SLC7A2: variants seen among roughly 807,000 people sequenced by gnomAD.
SLC7A2 encodes solute carrier family 7 member 2, also known as cationic amino acid transporter 2.
Under a neutral mutation model 58.9 loss-of-function variants are expected in SLC7A2, and 48 were observed. The ratio of observed to expected loss-of-function variants is 0.82; its 90% CI spans 0.65 to 1.04. SLC7A2 has a LOEUF of 1.04. Ranked by LOEUF, SLC7A2 falls within the 50% of genes least tolerant of loss-of-function variation. The pLI is 0.00. For missense variants in SLC7A2, 1,029 were observed against 818.8 expected (o/e 1.26, Z -3.13); for synonymous variants, 363 against 314.5 (o/e 1.15, Z -1.63).
chr8:17,534,280 G>C (rs1258980664), intron 2 of SLC7A2, among the ~76,000 whole-genome samples: 1 of 152,104 alleles, frequency 6.6e-6, no homozygotes, highest in African/African-American at 2.4e-5. Context: ...GATTCAAAGT[G>C]GAATTAAGGT....
Position 17,545,788 on chromosome 8 carries a change from C to T in SLC7A2, c.532+1182C>T, listed in dbSNP as rs549837703. 6.6e-5 allele frequency among the ~76,000 whole-genome samples: 10 copies of T among 152,286 alleles called. No individual in the cohort carries two copies. The South Asian group carries it at 1.2e-3, about 19-fold the overall frequency. ...AGAGTAAAAACCATGTCTGTTCCTA[C>T]TTCTTCCTTGCTTTACCCTGGGCAG... is the stretch of plus-strand genomic sequence containing the variant. On this transcript the variant is annotated intron_variant, in intron 4 of 12. Coordinates refer to ENST00000494857, the MANE Select transcript of SLC7A2 (RefSeq NM_001370338.1).
intron 2 of SLC7A2, among the ~76,000 whole-genome samples, chr8:17,524,988 G>C (rs1387344488): frequency 6.6e-6 from 1 of 152,146 alleles, no homozygotes; most frequent in Non-Finnish European, 1.5e-5. Context: ...GGATGACTCA[G>C]AGCTCAGCTC....
intron 2 of SLC7A2, among the ~76,000 whole-genome samples, chr8:17,513,797 A>G (rs993568279): frequency 3.9e-5 from 6 of 152,218 alleles, no homozygotes; most frequent in Non-Finnish European, 8.8e-5. Context: ...TGTCCCACTT[A>G]CAACAGCGCT....
intron 9 of SLC7A2, 104 bp from the exon 10 acceptor site, chr8:17,560,224 C>A: frequency 1.3e-6 from 1 of 781,278 alleles, no homozygotes; most frequent in East Asian, 2.7e-5. Context: ...TTACTCTACA[C>A]ACTATCACTC....
At chr8:17,509,598 G>A (rs1056828301) in intron 2 of SLC7A2, among the ~76,000 whole-genome samples, 5 of 151,912 alleles carry the variant, frequency 3.3e-5, no homozygotes, top group Admixed American at 1.3e-4. Flanking sequence ...GAGCCACCAC[G>A]CCCAACAATT....
chr8:17,533,256 T>G (rs1334949650), intron 2 of SLC7A2, among the ~76,000 whole-genome samples: 1 of 152,248 alleles, frequency 6.6e-6, no homozygotes, highest in African/African-American at 2.4e-5. Flanking sequence ...TGCTCATACA[T>G]TGTTGCTGTG....
chr8:17,528,714 A>G (rs1200725709), intron 2 of SLC7A2, among the ~76,000 whole-genome samples: 1 of 152,122 alleles, frequency 6.6e-6, no homozygotes, highest in Non-Finnish European at 1.5e-5. Flanking sequence ...TGGTCATTAC[A>G]CTTTGAATTA....
intron 3 of SLC7A2, 60 bp downstream of exon 3, chr8:17,543,775 C>T: frequency 6.9e-7 from 1 of 1,458,288 alleles, no homozygotes; most frequent in Non-Finnish European, 9.2e-7. Flanking sequence ...CCCTGAGTCA[C>T]AGCCCTTAGG....
chr8:17,537,706 G>C (rs188943147), intron 2 of SLC7A2, among the ~76,000 whole-genome samples: 6 of 152,302 alleles, frequency 3.9e-5, no homozygotes, highest in Non-Finnish European at 8.8e-5. Context: ...AGAGGGAACA[G>C]GTTGTACCCA....
chr8:17,501,739 A>T (rs914547946), intron 1 of SLC7A2, among the ~76,000 whole-genome samples: 6 of 152,114 alleles, frequency 3.9e-5, no homozygotes, highest in Non-Finnish European at 5.9e-5. Context: ...AAAATGAGAT[A>T]AAAAAATGAA....
chr8:17,533,421 G>A (rs1218293208), intron 2 of SLC7A2, among the ~76,000 whole-genome samples: 1 of 152,176 alleles, frequency 6.6e-6, no homozygotes, highest in Non-Finnish European at 1.5e-5. Flanking sequence ...AAATGAATGT[G>A]AATTCTGGTT....
At chr8:17,515,529 C>T (rs990726649) in intron 2 of SLC7A2, among the ~76,000 whole-genome samples, 1 of 152,032 alleles carries the variant, frequency 6.6e-6, no homozygotes, top group African/African-American at 2.4e-5. Flanking sequence ...CTCCTGACCT[C>T]GTGATCTGCC....
chr8:17,538,132 C>T (rs78826769), intron 2 of SLC7A2, among the ~76,000 whole-genome samples: 2 of 152,124 alleles, frequency 1.3e-5, no homozygotes, highest in Non-Finnish European at 2.9e-5. Context: ...GATTCTATAT[C>T]AGAAAATTTG....
At chr8:17,554,885 TA>T in intron 8 of SLC7A2, 186 bp downstream of exon 8, 1 of 1,583,982 alleles carries the variant, frequency 6.3e-7, no homozygotes, top group Non-Finnish European at 8.6e-7. Flanking sequence ...TACCTGTCTA[TA>T]CCTGTCTAGA....
chr8:17,564,430 G>T (rs936449036), intron 12 of SLC7A2, among the ~76,000 whole-genome samples: 13 of 152,156 alleles, frequency 8.5e-5, no homozygotes, highest in African/African-American at 2.7e-4. Flanking sequence ...TATTGATCAA[G>T]GACACCTTCT....
chr8:17,519,989 G>A (rs370561745), intron 2 of SLC7A2, among the ~76,000 whole-genome samples: 16 of 152,222 alleles, frequency 1.1e-4, no homozygotes, highest in African/African-American at 2.9e-4. Flanking sequence ...CAATGACTTG[G>A]GAAAAGAAGA....
intron 2 of SLC7A2, among the ~76,000 whole-genome samples, chr8:17,508,544 C>T (rs908239353): frequency 2.0e-5 from 3 of 151,942 alleles, no homozygotes; most frequent in South Asian, 2.1e-4. Flanking sequence ...GCCAACATGG[C>T]GAAACCACAT....
chr8:17,565,331 C>A lies in SLC7A2; in HGVS notation c.*185C>A. 1.8e-6 allele frequency: 1 copy of A among 567,978 alleles called. No homozygotes were observed. Among genetic ancestry groups the A allele is most frequent in the Non-Finnish European group, 3.1e-6 (1 of 323,940 alleles). 35.2% of individuals were successfully genotyped at this position (567,978 alleles called of 1,614,324 possible). On this transcript the variant is annotated 3_prime_UTR_variant, in exon 13 of 13. Coordinates refer to ENST00000494857, the MANE Select transcript of SLC7A2 (RefSeq NM_001370338.1). ...GTGAATTATGTGCACGGGGAAACCT[C>A]CTGAGTGGAAGTTTCATTCATCAGT... is the stretch of plus-strand genomic sequence containing the variant.
chr8:17,551,098 T>C (rs1340495187), intron 6 of SLC7A2, among the ~76,000 whole-genome samples: 2 of 152,198 alleles, frequency 1.3e-5, no homozygotes, highest in Non-Finnish European at 2.9e-5. Flanking sequence ...TCTCTGTAGA[T>C]GAATCATTTT....
Sources: allele counts gnomAD v4.1 joint callset (sites outside exome capture counted in the v4.1 genomes callset), GRCh38; gene constraint gnomAD v4.1.1; transcripts MANE v1.5; gene names NCBI Gene and HGNC (gene_info 2026-07-23, HGNC 2026-07-21).